Variants in TMEM161B observed in about 807,000 individuals in gnomAD.
TMEM161B encodes the protein transmembrane protein 161B.
In TMEM161B, 34 loss-of-function variants were observed where a neutral mutation model predicts 61.8. That is an observed-to-expected ratio of 0.55 (90% CI 0.42 to 0.73). The LOEUF (loss-of-function observed/expected upper bound fraction) is 0.73, where lower values mean the gene tolerates loss of function less well. Among genes scored for constraint, TMEM161B ranks in the 30% least tolerant of loss-of-function variants. The pLI is 0.00. For missense variants in TMEM161B, 456 were observed against 558.5 expected (o/e 0.82, Z 1.85); for synonymous variants, 167 against 192.8 (o/e 0.87, Z 1.11).
rs184680327 is a variant in TMEM161B, at chr5:88,221,633, T to C, written c.290-914A>G. 3.4e-4 allele frequency: 152 copies of C among 451,588 alleles called. 1 individual carries two copies. Among genetic ancestry groups the C allele is most frequent in the African/African-American group, 2.6e-3 (129 of 50,060 alleles). The allele number at this position is 451,588 out of a possible 1,614,324, so 28.0% of individuals were successfully genotyped here. ...ACTATTCCATTCTTAAGAGTTTACA[T>C]TGAAATTAACATTCTTTGAAAGTAA... is the stretch of plus-strand genomic sequence containing the variant. On this transcript the variant is annotated intron_variant, in intron 4 of 11. Transcript: ENST00000296595.
In TMEM161B at chr5:88,199,073, C is replaced by G; in HGVS notation, c.992G>C (p.Arg331Pro). The G allele has an allele frequency of 6.2e-7, 1 of 1,613,040 alleles. No individual in the cohort carries two copies. Among genetic ancestry groups the G allele is most frequent in the Non-Finnish European group, 8.5e-7 (1 of 1,179,418 alleles). ...LLCALRLAMM[R>P]SHLQAYLNLA... is the part of the protein sequence containing the mutation. The stretch of plus-strand genomic sequence containing the variant: ...ATTTAAATAAGCTTGCAGGTGACTA[C>G]GCATCATGGCCAACCGCAAAGCACA... The change falls in exon 10 of 12, where the codon CGT becomes CCT. Residue 331 changes from arginine (R) to proline (P), a missense_variant. Physicochemically the swap from Arg to Pro is moderately radical, Grantham distance 103. Around this residue, in one of 3 missense-constraint regions of TMEM161B, gnomAD observed 367 missense variants for 427.3 expected, o/e 0.86. Transcript: ENST00000296595.
At chr5:88,209,875 C>G (rs1246539547) in intron 5 of TMEM161B, among the ~76,000 whole-genome samples, 2 of 152,186 alleles carry the variant, frequency 1.3e-5, no homozygotes, top group African/African-American at 4.8e-5. Flanking sequence ...CTTCCCTCCT[C>G]CTACCCAATC....
intron 11 of TMEM161B, among the ~76,000 whole-genome samples, chr5:88,197,203 T>C (rs544364612): frequency 6.6e-6 from 1 of 152,310 alleles, no homozygotes; most frequent in African/African-American, 2.4e-5. Context: ...GGGGACTTGA[T>C]AGCTTAGTGA....
In TMEM161B at chr5:88,199,066, G is replaced by A. The variant is rs1245957258; in HGVS notation, c.999C>T (p.His333=). 2 of 1,612,924 alleles carry A rather than the reference G, an allele frequency of 1.2e-6. No individual in the cohort carries two copies. Among genetic ancestry groups the A allele is most frequent in the African/African-American group, 1.3e-5 (1 of 74,808 alleles). The change falls in exon 10 of 12, where the codon CAC becomes CAT. Residue 333 remains histidine (H), a synonymous_variant. Coordinates refer to ENST00000296595, the MANE Select transcript of TMEM161B (RefSeq NM_153354.5). ...CALRLAMMRS[H]LQAYLNLAQK... ...GGGCTAAATTTAAATAAGCTTGCAGGTGACTACGCATCATGGCCAACCGCA... is the reference window on the plus strand; with the variant it reads ...GGGCTAAATTTAAATAAGCTTGCAGATGACTACGCATCATGGCCAACCGCA...
chr5:88,208,404 C>T (rs1245882252), intron 5 of TMEM161B, among the ~76,000 whole-genome samples: 1 of 152,090 alleles, frequency 6.6e-6, no homozygotes, highest in African/African-American at 2.4e-5. Context: ...ATGGCGTGAA[C>T]CCGGGAGGCG....
chr5:88,250,901 T>C (rs1161868242), intron 1 of TMEM161B: 1 of 152,218 alleles, frequency 6.6e-6, no homozygotes, highest in African/African-American at 2.4e-5. Flanking sequence ...GGGCTCTTCC[T>C]GACTGCTGCA....
At chr5:88,186,491 T>A (rs544608957), downstream of TMEM161B, among the ~76,000 whole-genome samples, 2 of 152,032 alleles carry the variant, frequency 1.3e-5, no homozygotes, top group African/African-American at 4.8e-5. Context: ...CATTTCCTAA[T>A]CTATTTTTTT....
chr5:88,253,312 A>C (rs1052196864), intron 1 of TMEM161B, among the ~76,000 whole-genome samples: 2 of 152,164 alleles, frequency 1.3e-5, no homozygotes, highest in African/African-American at 4.8e-5. Flanking sequence ...ACTGCCACCT[A>C]CAAATAAAAT....
At chr5:88,268,619 A>T in intron 1 of TMEM161B, 102 bp downstream of exon 1, 1 of 1,552,364 alleles carries the variant, frequency 6.4e-7, no homozygotes, top group Non-Finnish European at 8.9e-7. Flanking sequence ...CAACGTCTCA[A>T]CTCCATTCTG....
chr5:88,203,631 C>A (rs1320789841), intron 8 of TMEM161B, among the ~76,000 whole-genome samples: 2 of 151,274 alleles, frequency 1.3e-5, no homozygotes, highest in African/African-American at 2.4e-5. Context: ...ACTGAGGAAC[C>A]TTTTAACGTG....
At chr5:88,218,221 G>C (rs1437153251) in intron 5 of TMEM161B, among the ~76,000 whole-genome samples, 1 of 152,190 alleles carries the variant, frequency 6.6e-6, no homozygotes, top group African/African-American at 2.4e-5. Context: ...AAGCATTCCA[G>C]AAAGAGAGAA....
chr5:88,229,779 G>A (rs981848888), intron 2 of TMEM161B, among the ~76,000 whole-genome samples: 1 of 150,960 alleles, frequency 6.6e-6, no homozygotes, highest in African/African-American at 2.4e-5. Context: ...AGAGACAGGG[G>A]CTCACTTGGT....
Position 88,195,485 on chromosome 5 carries a change from C to A in TMEM161B, c.*726G>T. On this transcript the variant is annotated 3_prime_UTR_variant, in exon 12 of 12. Coordinates refer to ENST00000296595, the MANE Select transcript of TMEM161B (RefSeq NM_153354.5). ...TATTAAAAGGAACTAGTTAGGATCACAGAATAAAACAAAATATGGCAGGTC... is the reference window on the plus strand; with the variant it reads ...TATTAAAAGGAACTAGTTAGGATCAAAGAATAAAACAAAATATGGCAGGTC... The A allele has an allele frequency of 1.0e-6, 1 of 984,108 alleles. No homozygotes were observed. The highest frequency in any genetic ancestry group is 1.2e-6 in the Non-Finnish European group (1 of 828,970). 61.0% of individuals were successfully genotyped at this position (984,108 alleles called of 1,614,324 possible).
At chr5:88,211,244 A>C (rs995328870) in intron 5 of TMEM161B, among the ~76,000 whole-genome samples, 2 of 152,064 alleles carry the variant, frequency 1.3e-5, no homozygotes, top group African/African-American at 4.8e-5. Flanking sequence ...TGGGTATATA[A>C]CTATACATAC....
intron 4 of TMEM161B, among the ~76,000 whole-genome samples, chr5:88,223,762 G>A (rs868274268): frequency 5.3e-5 from 8 of 152,020 alleles, no homozygotes; most frequent in African/African-American, 1.4e-4. Context: ...GGTGGCAGGC[G>A]CCTGTAGTCC....
downstream of TMEM161B, among the ~76,000 whole-genome samples, chr5:88,192,006 A>ATG (rs1748977497): frequency 2.1e-5 from 2 of 93,514 alleles, no homozygotes; most frequent in African/African-American, 9.2e-5. Context: ...ATATATATAT[A>ATG]TATATATATA....
chr5:88,206,461 CA>C lies in TMEM161B; in HGVS notation c.636del (p.Glu213LysfsTer5). The C allele has an allele frequency of 2.5e-6, 4 of 1,592,054 alleles. No individual in the cohort carries two copies. Among genetic ancestry groups the C allele is most frequent in the Non-Finnish European group, 2.6e-6 (3 of 1,168,554 alleles). On this transcript the variant is annotated frameshift_variant, in exon 7 of 12. Transcript: ENST00000296595. LOFTEE classifies it high-confidence loss of function. The part of the protein sequence containing the change: ...TNFSDSAMQF[L>X]EKQGLESQSP... ...TACTGAGATTCTAAACCTTGCTTTTCAAGAAACTGCATCGCACTGTCTGAAA... is the reference window on the plus strand; with the variant it reads ...TACTGAGATTCTAAACCTTGCTTTTCAGAAACTGCATCGCACTGTCTGAAA...
At chr5:88,257,412 T>C (rs1389659528) in intron 1 of TMEM161B, among the ~76,000 whole-genome samples, 1 of 152,196 alleles carries the variant, frequency 6.6e-6, no homozygotes, top group African/African-American at 2.4e-5. Flanking sequence ...TTTTAAGCCA[T>C]ACACAAAAGC....
At chr5:88,191,869 A>G (rs1332015380), downstream of TMEM161B, among the ~76,000 whole-genome samples, 1 of 146,884 alleles carries the variant, frequency 6.8e-6, no homozygotes, top group East Asian at 2.0e-4. Flanking sequence ...AGGCAGGAGA[A>G]TGGCGTGAAC....
Sources: allele counts gnomAD v4.1 joint callset (sites outside exome capture counted in the v4.1 genomes callset), GRCh38; gene constraint gnomAD v4.1.1; regional missense constraint gnomAD v4.1.1; transcripts MANE v1.5; gene names NCBI Gene and HGNC (gene_info 2026-07-23, HGNC 2026-07-21).